The following MACROD2 variants were observed in gnomAD, a reference collection of about 807,000 sequenced individuals.
MACROD2 encodes mono-ADP ribosylhydrolase 2.
A neutral mutation model predicts 70.4 loss-of-function variants in MACROD2; 36 were observed. The observed-to-expected ratio is 0.51, with a 90% confidence interval of 0.39 to 0.68. The LOEUF is 0.68. Ranked by LOEUF, MACROD2 falls within the 30% of genes least tolerant of loss-of-function variation. MACROD2 has a pLI of 0.00. For missense variants in MACROD2, 496 were observed against 538.4 expected (o/e 0.92, Z 0.78); for synonymous variants, 172 against 178.8 (o/e 0.96, Z 0.30).
chr20:15,126,546 T>C (rs980139401), intron 5 of MACROD2, among the ~76,000 whole-genome samples: 4 of 152,110 alleles, frequency 2.6e-5, no homozygotes, highest in African/African-American at 9.6e-5. Context: ...CACTCAAATA[T>C]TGAGCACTAT....
intron 6 of MACROD2, among the ~76,000 whole-genome samples, chr20:15,246,853 A>G (rs1457996799): frequency 6.6e-6 from 1 of 152,214 alleles, no homozygotes; most frequent in East Asian, 1.9e-4. Flanking sequence ...ATAGATAAAC[A>G]AACTATGATC....
intron 2 of MACROD2, among the ~76,000 whole-genome samples, chr20:14,032,608 T>G (rs1052375210): frequency 2.0e-5 from 3 of 152,206 alleles, no homozygotes; most frequent in Non-Finnish European, 4.4e-5. Flanking sequence ...TTGCCCATTT[T>G]TTTCTATTGC....
At position 14,861,993 on chromosome 20, in the gene MACROD2, T is replaced by TTA. The variant is rs1481857289; in HGVS notation, c.418+177044_418+177045dup. 7.9e-4 allele frequency among the ~76,000 whole-genome samples: 29 copies of TTA among 36,496 alleles called. 1 individual carries two copies. Among genetic ancestry groups the TTA allele is most frequent in the African/African-American group, 2.2e-3 (23 of 10,558 alleles). 23.9% of individuals were successfully genotyped at this position (36,496 alleles called of 152,430 possible). A position where few individuals can be genotyped will look rare whatever the true frequency, so the allele number is the denominator to read the frequency against. On this transcript the variant is annotated intron_variant, in intron 5 of 17. Transcript: ENST00000684519. ...TATATATAAATATATATATATATATTTATATATATATTTATATATATATAT... is the reference window on the plus strand; with the variant it reads ...TATATATAAATATATATATATATATTTATATATATATATTTATATATATATAT...
At chr20:15,170,182 A>C (rs1410418301) in intron 5 of MACROD2, among the ~76,000 whole-genome samples, 1 of 152,220 alleles carries the variant, frequency 6.6e-6, no homozygotes, top group African/African-American at 2.4e-5. Context: ...CTAAATTCCT[A>C]AATTGAAGAT....
intron 6 of MACROD2, among the ~76,000 whole-genome samples, chr20:15,357,798 CTTTTTTTT>C (rs200860242): frequency 7.4e-6 from 1 of 135,638 alleles, no homozygotes; most frequent in African/African-American, 2.8e-5. Context: ...TTCATTCATT[CTTTTTTTT>C]TTTTTTTTTT....
At chr20:14,414,929 G>T (rs1287737832) in intron 3 of MACROD2, among the ~76,000 whole-genome samples, 16 of 144,996 alleles carry the variant, frequency 1.1e-4, no homozygotes, top group Admixed American at 2.7e-4. Context: ...CCTGCTTTAT[G>T]TTTTTTTTTT....
chr20:15,810,000 G>A (rs1425529394), intron 8 of MACROD2, among the ~76,000 whole-genome samples: 2 of 148,994 alleles, frequency 1.3e-5, no homozygotes, highest in East Asian at 4.0e-4. Context: ...ATCTCCTAAT[G>A]CTGTCCCTCC....
chr20:15,191,367 G>C (rs1211744288), intron 5 of MACROD2, among the ~76,000 whole-genome samples: 3 of 152,210 alleles, frequency 2.0e-5, no homozygotes. Context: ...TAGAAGATTT[G>C]ATTGCCCTGA....
intron 8 of MACROD2, among the ~76,000 whole-genome samples, chr20:15,782,386 T>C (rs2051848778): frequency 6.6e-6 from 1 of 152,120 alleles, no homozygotes; most frequent in Non-Finnish European, 1.5e-5. Context: ...TAGTCTTCAG[T>C]TGCAAGTAAA....
At chr20:15,989,099 G>T (rs137942166) in intron 15 of MACROD2, among the ~76,000 whole-genome samples, 1 of 152,084 alleles carries the variant, frequency 6.6e-6, no homozygotes, top group African/African-American at 2.4e-5. Flanking sequence ...TAAGTAAAAC[G>T]TGCAAAGCAA....
intron 8 of MACROD2, 35 bp downstream of exon 8, chr20:15,499,882 A>T: frequency 1.3e-6 from 2 of 1,593,846 alleles, no homozygotes; most frequent in Non-Finnish European, 1.7e-6. Flanking sequence ...AACATCCAAG[A>T]TGATGTAATT....
At chr20:14,112,687 G>A (rs917560384) in intron 3 of MACROD2, among the ~76,000 whole-genome samples, 6 of 151,780 alleles carry the variant, frequency 4.0e-5, no homozygotes, top group Non-Finnish European at 5.9e-5. Context: ...AATCTGGATG[G>A]TATTCATTTT....
intron 5 of MACROD2, among the ~76,000 whole-genome samples, chr20:15,189,007 A>G (rs987151788): frequency 5.3e-5 from 8 of 152,186 alleles, no homozygotes; most frequent in Non-Finnish European, 7.3e-5. Context: ...GCCCAAAGAT[A>G]AGATTTTAAT....
intron 5 of MACROD2, among the ~76,000 whole-genome samples, chr20:14,685,580 A>G (rs1325625453): frequency 1.3e-5 from 2 of 152,200 alleles, no homozygotes; most frequent in African/African-American, 4.8e-5. Flanking sequence ...TTGCTTAGTG[A>G]TTCAACCAAC....
chr20:15,758,927 C>T (rs533979300), intron 8 of MACROD2, among the ~76,000 whole-genome samples: 1 of 152,100 alleles, frequency 6.6e-6, no homozygotes, highest in African/African-American at 2.4e-5. Flanking sequence ...AGGCAGGTGC[C>T]TCACAAGGTC....
intron 5 of MACROD2, among the ~76,000 whole-genome samples, chr20:14,779,958 T>C (rs910553926): frequency 6.6e-6 from 1 of 152,144 alleles, no homozygotes; most frequent in African/African-American, 2.4e-5. Flanking sequence ...TTAGAGGATC[T>C]AAGTGAGTCC....
chr20:15,165,699 A>C (rs1244265169), intron 5 of MACROD2, among the ~76,000 whole-genome samples: 3 of 152,248 alleles, frequency 2.0e-5, no homozygotes, highest in Non-Finnish European at 4.4e-5. Context: ...AAATCATTCC[A>C]AAAATATGCA....
At chr20:15,245,428 G>A (rs2077097312) in intron 6 of MACROD2, among the ~76,000 whole-genome samples, 1 of 152,146 alleles carries the variant, frequency 6.6e-6, no homozygotes, top group Non-Finnish European at 1.5e-5. Context: ...CTAATTATGA[G>A]GCAAGGCACT....
intron 5 of MACROD2, among the ~76,000 whole-genome samples, chr20:15,037,678 T>C (rs1245478887): frequency 6.6e-6 from 1 of 151,294 alleles, no homozygotes; most frequent in Non-Finnish European, 1.5e-5. Flanking sequence ...ATTTTAACTT[T>C]AACTCTTTTT....
Sources: gnomAD v4.1 joint callset for allele counts (sites outside exome capture counted in the v4.1 genomes callset) on GRCh38, gnomAD v4.1.1 for gene constraint, MANE v1.5 for transcripts, NCBI Gene and HGNC (gene_info 2026-07-23, HGNC 2026-07-21) for gene names.